The following SCHIP1 variants were observed in gnomAD, a reference collection of about 807,000 sequenced individuals.
SCHIP1 encodes schwannomin-interacting protein 1.
A neutral mutation model predicts 29.7 loss-of-function variants in SCHIP1; 8 were observed. That is an observed-to-expected ratio of 0.27 (90% confidence interval 0.16 to 0.49). The LOEUF (loss-of-function observed/expected upper bound fraction) is 0.49, where lower values mean the gene tolerates loss of function less well. Among genes scored for constraint, SCHIP1 ranks in the 20% least tolerant of loss-of-function variants. SCHIP1 has a pLI of 0.99. For missense variants in SCHIP1, 193 were observed against 294.6 expected (o/e 0.66, Z 2.52); for synonymous variants, 76 against 94.9 (o/e 0.80, Z 1.16).
the SCHIP1 span, among the ~76,000 whole-genome samples, chr3:159,796,729 G>C: frequency 7.2e-6 from 1 of 139,406 alleles, no homozygotes; most frequent in Non-Finnish European, 1.6e-5. Context: ...AATATTTGGG[G>C]GTGACAGAAA....
the SCHIP1 span, among the ~76,000 whole-genome samples, chr3:159,382,757 C>A: frequency 2.0e-5 from 3 of 152,194 alleles, no homozygotes; most frequent in African/African-American, 7.2e-5. Context: ...TCCACATCCT[C>A]TCCAGCACCT....
the SCHIP1 span, among the ~76,000 whole-genome samples, chr3:159,296,634 G>A: frequency 6.6e-6 from 1 of 152,092 alleles, no homozygotes; most frequent in Non-Finnish European, 1.5e-5. Context: ...ACTTAGCTGG[G>A]CATGGTGGGG....
the SCHIP1 span, among the ~76,000 whole-genome samples, chr3:159,365,565 A>C: frequency 6.6e-6 from 1 of 152,188 alleles, no homozygotes; most frequent in Non-Finnish European, 1.5e-5. Flanking sequence ...TGTCTAGAAC[A>C]GTGCCTGGCA....
At chr3:159,559,711 C>T in the SCHIP1 span, among the ~76,000 whole-genome samples, 2 of 152,132 alleles carry the variant, frequency 1.3e-5, no homozygotes, top group Non-Finnish European at 2.9e-5. Flanking sequence ...ATCATATTCC[C>T]AGAGAGTTCC....
the SCHIP1 span, among the ~76,000 whole-genome samples, chr3:159,643,894 A>G: frequency 6.6e-6 from 1 of 151,990 alleles, no homozygotes; most frequent in African/African-American, 2.4e-5. Context: ...CAGTTTCTCT[A>G]TCTAGGGGCA....
the SCHIP1 span, among the ~76,000 whole-genome samples, chr3:159,554,825 G>C: frequency 6.6e-6 from 1 of 151,778 alleles, no homozygotes; most frequent in Non-Finnish European, 1.5e-5. Context: ...TTTGTAGCTA[G>C]GGCATATCCA....
chr3:159,304,382 C>T, the SCHIP1 span, among the ~76,000 whole-genome samples: 27 of 152,046 alleles, frequency 1.8e-4, no homozygotes, highest in African/African-American at 6.3e-4. Flanking sequence ...AGGTTATATC[C>T]GTGTTGGGTA....
the SCHIP1 span, among the ~76,000 whole-genome samples, chr3:159,399,713 G>T: frequency 6.6e-6 from 1 of 152,240 alleles, no homozygotes; most frequent in Non-Finnish European, 1.5e-5. Context: ...GTCTTGCTCT[G>T]TCACCCAGGC....
At chr3:159,570,549 CTTGTAGTATAG>C in the SCHIP1 span, among the ~76,000 whole-genome samples, 1 of 152,236 alleles carries the variant, frequency 6.6e-6, no homozygotes, top group African/African-American at 2.4e-5. Context: ...TTACTGTAGC[CTTGTAGTATAG>C]TTTGAAGTCA....
chr3:159,300,715 C>T, the SCHIP1 span, among the ~76,000 whole-genome samples: 1 of 152,186 alleles, frequency 6.6e-6, no homozygotes, highest in Non-Finnish European at 1.5e-5. Context: ...TGTGGAGCCA[C>T]TTTATCTGAT....
chr3:159,734,591 G>A, the SCHIP1 span, among the ~76,000 whole-genome samples: 1 of 152,060 alleles, frequency 6.6e-6, no homozygotes, highest in South Asian at 2.1e-4. Context: ...CTGTGCCTCA[G>A]TTTCCAGCCT....
chr3:159,488,837 T>C, the SCHIP1 span, among the ~76,000 whole-genome samples: 169 of 152,212 alleles, frequency 1.1e-3, no homozygotes, highest in Non-Finnish European at 2.0e-3. Flanking sequence ...TGCTTCAGAT[T>C]TATTTTTAAA....
the SCHIP1 span, among the ~76,000 whole-genome samples, chr3:159,556,120 C>A: frequency 1.2e-4 from 18 of 152,226 alleles, no homozygotes; most frequent in Middle Eastern, 0.014. Flanking sequence ...CATGAACAGA[C>A]ACTTCTCAAA....
the SCHIP1 span, among the ~76,000 whole-genome samples, chr3:159,324,497 T>G: frequency 6.6e-6 from 1 of 152,128 alleles, no homozygotes; most frequent in Non-Finnish European, 1.5e-5. Flanking sequence ...GTTAAATAAT[T>G]TTTTTTCTTC....
the SCHIP1 span, among the ~76,000 whole-genome samples, chr3:159,443,765 C>A: frequency 6.6e-6 from 1 of 152,294 alleles, no homozygotes; most frequent in South Asian, 2.1e-4. Flanking sequence ...CCTCGGCCTC[C>A]CAAAGTGCTG....
At chr3:159,585,101 C>G in the SCHIP1 span, among the ~76,000 whole-genome samples, 1 of 133,958 alleles carries the variant, frequency 7.5e-6, no homozygotes, top group Non-Finnish European at 1.5e-5. Context: ...TTCTGACCCT[C>G]TCTTTCCTGC....
At chr3:159,386,051 T>C in the SCHIP1 span, among the ~76,000 whole-genome samples, 1 of 152,218 alleles carries the variant, frequency 6.6e-6, no homozygotes, top group East Asian at 1.9e-4. Context: ...CTGCATAGTA[T>C]TCTATGGTGT....
chr3:159,707,874 C>T, the SCHIP1 span, among the ~76,000 whole-genome samples: 1 of 152,210 alleles, frequency 6.6e-6, no homozygotes, highest in Non-Finnish European at 1.5e-5. Flanking sequence ...CCCTTTACAG[C>T]AGGCAACTCA....
the SCHIP1 span, among the ~76,000 whole-genome samples, chr3:159,638,157 C>G: frequency 6.6e-6 from 1 of 152,202 alleles, no homozygotes; most frequent in South Asian, 2.1e-4. Context: ...TACAGACTGT[C>G]CTTGCCTCCT....
Sources: gnomAD v4.1 joint callset for allele counts (sites outside exome capture counted in the v4.1 genomes callset) on GRCh38, gnomAD v4.1.1 for gene constraint, MANE v1.5 for transcripts, NCBI Gene and HGNC (gene_info 2026-07-23, HGNC 2026-07-21) for gene names.